GTF3C4: variants seen among roughly 807,000 people sequenced by gnomAD.
The protein encoded by GTF3C4 is general transcription factor IIIC subunit 4, also known as general transcription factor 3C polypeptide 4.
Under a neutral mutation model 67.5 loss-of-function variants are expected in GTF3C4, and 28 were observed. The ratio of observed to expected loss-of-function variants is 0.41; its 90% CI spans 0.31 to 0.57. The LOEUF (loss-of-function observed/expected upper bound fraction) is 0.57. GTF3C4 is among the 20% of genes least tolerant of loss of function. GTF3C4 has a pLI of 0.21. For missense variants in GTF3C4, 831 were observed against 1,033.2 expected, an observed-to-expected ratio of 0.80 and a Z score of 2.68; for synonymous variants, 409 against 393.0, an observed-to-expected ratio of 1.04 and a Z score of -0.48.
chr9:132,680,036 A>G (rs182921151), intron 2 of GTF3C4, among the ~76,000 whole-genome samples: 22 of 152,340 alleles, frequency 1.4e-4, no homozygotes, highest in Non-Finnish European at 8.8e-5. Context: ...TAGATATGCA[A>G]AGTTTGCAGG....
intron 2 of GTF3C4, 139 bp from the exon 3 acceptor site, chr9:132,683,424 T>C: frequency 1.5e-6 from 1 of 682,420 alleles, no homozygotes. Flanking sequence ...TTTGTGGAAA[T>C]GCAAATCTCC....
chr9:132,686,236 C>G (rs1350998062), intron 3 of GTF3C4, among the ~76,000 whole-genome samples: 2 of 152,238 alleles, frequency 1.3e-5, no homozygotes, highest in African/African-American at 4.8e-5. Flanking sequence ...GTAAGCATTA[C>G]ACATTAATGT....
chr9:132,693,898 AAAAT>A lies in GTF3C4; in HGVS notation c.*4956_*4959del, dbSNP rs1427377408. On this transcript the variant is annotated 3_prime_UTR_variant, in exon 5 of 5. Transcript: ENST00000372146. ...TTGTTTATAGAAAAGACTATATAGA[AAAAT>A]AAGTCTGTGTTGTGTATAGTGATAC... The A allele has an allele frequency of 2.0e-5, 3 of 152,228 alleles. No individual in the cohort carries two copies. The highest frequency in any genetic ancestry group is 7.2e-5 in the African/African-American group (3 of 41,450). The allele number at this position is 152,228 out of a possible 1,614,324, so 9.4% of individuals were successfully genotyped here.
In GTF3C4 at chr9:132,679,984, G is replaced by A. The variant is rs893129509; in HGVS notation, c.2184+181G>A. The stretch of plus-strand genomic sequence containing the variant: ...GATTAATGCAGAGGATGCATTCATA[G>A]CATATAAAGAATATTTTGATTCTTC... On this transcript the variant is annotated intron_variant, in intron 2 of 4. Transcript: ENST00000372146. The surrounding 1 kb of genome is among the most constrained non-coding windows in gnomAD (Gnocchi z 5.9). Among the ~76,000 whole-genome samples, 2 of 152,196 alleles carry A rather than the reference G, an allele frequency of 1.3e-5. No individual in the cohort carries two copies. The highest frequency in any genetic ancestry group is 4.1e-4 in the South Asian group (2 of 4,830).
In GTF3C4 at chr9:132,679,021, C is replaced by T. The variant is rs1835903384; in HGVS notation, c.1402C>T (p.Leu468Phe). Reference sequence around the variant, plus strand: ...GAAGTTTGAACACCAGTTGATTAAACTCTCAGATGTGTTTGGCTCAGTGAG... The same window carrying T: ...GAAGTTTGAACACCAGTTGATTAAATTCTCAGATGTGTTTGGCTCAGTGAG... ...ALKFEHQLIK[L>F]SDVFGSVRTH... Residue 468 changes from leucine (L) to phenylalanine (F), a missense_variant, in exon 2 of 5, where the codon CTC becomes TTC. Physicochemically the swap from Leu to Phe is conservative, Grantham distance 22. Transcript: ENST00000372146. This position sits in a 1 kb window ranked among gnomAD's most constrained non-coding sequence, Gnocchi z 5.9. The T allele has an allele frequency of 1.9e-6, 3 of 1,614,088 alleles. No homozygotes were observed. The highest frequency in any genetic ancestry group is 2.5e-6 in the Non-Finnish European group (3 of 1,180,034).
chr9:132,676,778 A>G (rs1014695468), intron 1 of GTF3C4, among the ~76,000 whole-genome samples: 6 of 151,942 alleles, frequency 3.9e-5, no homozygotes, highest in Non-Finnish European at 7.4e-5. Flanking sequence ...GAACATTTAA[A>G]CTCATTCAAG....
rs772824529 is a variant in GTF3C4 at position 132,690,811 on chromosome 9, GATC to G, written c.*1869_*1871del. 5 of 152,096 alleles carry G rather than the reference GATC, an allele frequency of 3.3e-5. No homozygotes were observed. Among genetic ancestry groups the G allele is most frequent in the African/African-American group, 4.8e-5 (2 of 41,388 alleles). 9.4% of individuals were successfully genotyped at this position (152,096 alleles called of 1,614,324 possible). ...TACAATAAATAAGAGTAAAAATTGA[GATC>G]ATGTCAAAAAATTATTGCAGTTTTA... On this transcript the variant is annotated 3_prime_UTR_variant, in exon 5 of 5. Coordinates refer to ENST00000372146, the MANE Select transcript of GTF3C4 (RefSeq NM_012204.4).
At chr9:132,683,801 G>A (rs1835983884) in intron 3 of GTF3C4, 108 bp downstream of exon 3, 2 of 1,089,610 alleles carry the variant, frequency 1.8e-6, no homozygotes, top group Non-Finnish European at 2.6e-6. Context: ...TGTTGCCCTT[G>A]CCAATTTGTT....
At chr9:132,674,928 G>A (rs1223802797) in intron 1 of GTF3C4, among the ~76,000 whole-genome samples, 1 of 152,206 alleles carries the variant, frequency 6.6e-6, no homozygotes, top group Non-Finnish European at 1.5e-5. Flanking sequence ...CTACTCAGGA[G>A]GCTGAGGTGA....
intron 1 of GTF3C4, among the ~76,000 whole-genome samples, chr9:132,673,054 G>A (rs1358060975): frequency 6.6e-6 from 1 of 152,126 alleles, no homozygotes; most frequent in African/African-American, 2.4e-5. Flanking sequence ...CGTGGTGGCG[G>A]GCGCCTGTAG....
intron 1 of GTF3C4, among the ~76,000 whole-genome samples, chr9:132,675,966 T>G (rs1022866734): frequency 3.6e-5 from 5 of 140,246 alleles, no homozygotes; most frequent in Non-Finnish European, 6.0e-5. Context: ...TGGTGCCATC[T>G]TGGCTCACTG....
rs1219136683 is a variant in GTF3C4, at chr9:132,670,943, C to G, written c.345C>G (p.Ser115Arg). Residue 115 changes from serine (S) to arginine (R), a missense_variant, in exon 1 of 5, where the codon AGC (serine) becomes AGG (arginine). Physicochemically the swap from Ser to Arg is moderately radical, Grantham distance 110. Transcript: ENST00000372146. ...CCTCGGTGCCCGCACCGCTCAACAG[C>G]TGTCTCCTCAAAGTAAGTCATCCCC... Reference protein sequence around the residue: ...HRTSVPAPLNSCLLKVGSKTE... With the variant: ...HRTSVPAPLNRCLLKVGSKTE... 6.2e-7 allele frequency: 1 copy of G among 1,609,644 alleles called. No homozygotes were observed. The highest frequency in any genetic ancestry group is 1.1e-5 in the South Asian group (1 of 90,976).
Position 132,678,138 on chromosome 9 carries a change from TTGCGATGCTAATGGCAGG to T in GTF3C4, c.523_540del (p.Asp175_Cys180del). The T allele has an allele frequency of 6.2e-7, 1 of 1,614,234 alleles. No homozygotes were observed. The highest frequency in any genetic ancestry group is 8.5e-7 in the Non-Finnish European group (1 of 1,180,022). The stretch of plus-strand genomic sequence containing the variant: ...AGTACACCAGCTGGTCTCCCATGGG[TTGCGATGCTAATGGCAGG>T]TGCCTCTTGGCAGCACTGACCATGG... On this transcript the variant is annotated inframe_deletion, in exon 2 of 5. Transcript: ENST00000372146. This position sits in a 1 kb window ranked among gnomAD's most constrained non-coding sequence, Gnocchi z 6.5.
At chr9:132,670,067 A>G, upstream of GTF3C4, 2 of 1,562,182 alleles carry the variant, frequency 1.3e-6, no homozygotes, top group Non-Finnish European at 1.7e-6. Context: ...AGCTGTACGG[A>G]CTCGTCCCGA....
chr9:132,679,125 C>T lies in GTF3C4; in HGVS notation c.1506C>T (p.His502=), dbSNP rs779074814. 29 of 1,614,018 alleles carry T rather than the reference C, an allele frequency of 1.8e-5. No homozygotes were observed. Among genetic ancestry groups the T allele is most frequent in the Non-Finnish European group, 2.4e-5 (28 of 1,180,008 alleles). Residue 502 remains histidine (H), a synonymous_variant, in exon 2 of 5, where the codon CAC becomes CAT. Transcript: ENST00000372146. This position sits in a 1 kb window ranked among gnomAD's most constrained non-coding sequence, Gnocchi z 5.9. ...ITTEGMINGL[H]PVNKNYQVQF... Reference sequence around the variant, plus strand: ...CTGAGGGCATGATCAACGGCCTCCACCCTGTTAACAAAAACTACCAGGTCC... The same window carrying T: ...CTGAGGGCATGATCAACGGCCTCCATCCTGTTAACAAAAACTACCAGGTCC...
chr9:132,687,657 T>G (rs1836052431), intron 4 of GTF3C4, among the ~76,000 whole-genome samples: 1 of 152,204 alleles, frequency 6.6e-6, no homozygotes, highest in African/African-American at 2.4e-5. Context: ...ATAGATTATA[T>G]TTGAATGTAA....
intron 2 of GTF3C4, among the ~76,000 whole-genome samples, chr9:132,682,352 ACACC>A (rs1359786668): frequency 6.6e-6 from 1 of 152,112 alleles, no homozygotes; most frequent in African/African-American, 2.4e-5. Context: ...AGCTAGTAAG[ACACC>A]CTTTGAAACG....
At position 132,678,944 on chromosome 9, in the gene GTF3C4, C is replaced by T. The variant is rs748419455; in HGVS notation, c.1325C>T (p.Ser442Phe). ...DKQNGTVYTC[S>F]SDGKVRQLIP... Reference sequence around the variant, plus strand: ...CAGAATGGAACAGTCTATACTTGCTCCAGTGACGGAAAGGTGAGGCAGCTG... The same window carrying T: ...CAGAATGGAACAGTCTATACTTGCTTCAGTGACGGAAAGGTGAGGCAGCTG... Residue 442 changes from serine to phenylalanine, a missense_variant, in exon 2 of 5, where the codon TCC becomes TTC. Around this residue, in one of 4 missense-constraint regions of GTF3C4, gnomAD observed 390 missense variants for 540.3 expected, o/e 0.72. Transcript: ENST00000372146. This position sits in a 1 kb window ranked among gnomAD's most constrained non-coding sequence, Gnocchi z 6.5. The T allele has an allele frequency of 1.2e-6, 2 of 1,614,208 alleles. No individual in the cohort carries two copies. Among genetic ancestry groups the T allele is most frequent in the Non-Finnish European group, 1.7e-6 (2 of 1,180,042 alleles).
Position 132,691,254 on chromosome 9 carries a change from GCTT to G in GTF3C4, c.*2312_*2314del, listed in dbSNP as rs1469622053. 1.3e-5 allele frequency: 2 copies of G among 152,192 alleles called. No homozygotes were observed. The highest frequency in any genetic ancestry group is 4.8e-5 in the African/African-American group (2 of 41,440). 9.4% of individuals were successfully genotyped at this position (152,192 alleles called of 1,614,324 possible). ...AGTTAATGGCAGCCTCACAAATAGT[GCTT>G]CTGAATTTCTCTGAGGGTCAGCATA... is the stretch of plus-strand genomic sequence containing the variant. On this transcript the variant is annotated 3_prime_UTR_variant, in exon 5 of 5. Transcript: ENST00000372146.
Sources: allele counts gnomAD v4.1 joint callset (sites outside exome capture counted in the v4.1 genomes callset), GRCh38; gene constraint gnomAD v4.1.1; regional missense constraint gnomAD v4.1.1; non-coding constraint Gnocchi (gnomAD v3.1); transcripts MANE v1.5; gene names NCBI Gene and HGNC (gene_info 2026-07-23, HGNC 2026-07-21).